The following DCT variants were observed in gnomAD, a reference collection of about 807,000 sequenced individuals.
DCT encodes L-dopachrome tautomerase.
A neutral mutation model predicts 53.0 loss-of-function variants in DCT; 47 were observed. The ratio of observed to expected loss-of-function variants is 0.89; its 90% CI spans 0.70 to 1.13. DCT has a LOEUF of 1.13. Ranked by LOEUF, DCT falls within the 50% of genes most tolerant of loss-of-function variation. The pLI is 0.00. For missense variants in DCT, 669 were observed against 637.4 expected, an observed-to-expected ratio of 1.05 and a Z score of -0.53; for synonymous variants, 244 against 237.0, an observed-to-expected ratio of 1.03 and a Z score of -0.27.
chr13:94,462,333 C>T, intron 4 of DCT, 144 bp from the exon 5 acceptor site: 1 of 640,246 alleles, frequency 1.6e-6, no homozygotes, highest in East Asian at 2.8e-5. Flanking sequence ...AGCCCCGGCT[C>T]TACTAAAAAT....
chr13:94,437,669 T>C lies in DCT; in HGVS notation c.*2229A>G, dbSNP rs549170244. ...ATTTGGTGACATTTTCTGAGTTTAT[T>C]TGCATGATATTCAATGTAAGTAAAT... On this transcript the variant is annotated 3_prime_UTR_variant, in exon 8 of 8. Transcript: ENST00000377028. The C allele has an allele frequency of 6.6e-6, 1 of 152,336 alleles. No individual in the cohort carries two copies. Among genetic ancestry groups the C allele is most frequent in the South Asian group, 2.1e-4 (1 of 4,828 alleles). The allele number at this position is 152,336 out of a possible 1,614,324, so 9.4% of individuals were successfully genotyped here.
At chr13:94,477,740 T>C (rs1885189076) in intron 1 of DCT, among the ~76,000 whole-genome samples, 1 of 152,154 alleles carries the variant, frequency 6.6e-6, no homozygotes, top group African/African-American at 2.4e-5. Context: ...ATTCAACCCC[T>C]TATGAAGCTC....
At chr13:94,547,859 G>A in the DCT span, among the ~76,000 whole-genome samples, 8 of 150,062 alleles carry the variant, frequency 5.3e-5, no homozygotes, top group Non-Finnish European at 7.4e-5. Context: ...GCATGGTGGC[G>A]GGTGCCTGTA....
At chr13:94,462,257 C>A in intron 4 of DCT, 68 bp from the exon 5 acceptor site, 1 of 1,280,418 alleles carries the variant, frequency 7.8e-7, no homozygotes, top group South Asian at 1.2e-5. Flanking sequence ...TCTGTAATCC[C>A]AGCACTTTGG....
chr13:94,463,916 C>A (rs1005223080), intron 4 of DCT, among the ~76,000 whole-genome samples: 3 of 152,158 alleles, frequency 2.0e-5, no homozygotes, highest in African/African-American at 7.2e-5. Flanking sequence ...AGTAAGAGTT[C>A]CAGGGTTAGG....
In DCT at chr13:94,438,380, T is replaced by C. The variant is rs771146224; in HGVS notation, c.*1518A>G. ...GCTCTCAGATGCACCTGTAGCTTTA[T>C]GAGATTCAAATTCAGTTCCAACTGG... On this transcript the variant is annotated 3_prime_UTR_variant, in exon 8 of 8. Transcript: ENST00000377028. 42 of 229,972 alleles carry C rather than the reference T, an allele frequency of 1.8e-4. No homozygotes were observed. The highest frequency in any genetic ancestry group is 3.5e-4 in the Non-Finnish European group (40 of 113,026). The allele number at this position is 229,972 out of a possible 1,614,324, so 14.2% of individuals were successfully genotyped here.
Position 94,439,650 on chromosome 13 carries a change from C to A in DCT, c.*248G>T. On this transcript the variant is annotated 3_prime_UTR_variant, in exon 8 of 8. Coordinates refer to ENST00000377028, the MANE Select transcript of DCT (RefSeq NM_001922.5). ...TGGGGGGGGGGTTATTATTAGATAT[C>A]ACAAATTGTCAGGTCTATCTTTATT... 1.0e-5 allele frequency: 3 copies of A among 285,820 alleles called. No homozygotes were observed. Among genetic ancestry groups the A allele is most frequent in the Non-Finnish European group, 6.5e-6 (1 of 154,254 alleles). The allele number at this position is 285,820 out of a possible 1,614,324, so 17.7% of individuals were successfully genotyped here. A position where few individuals can be genotyped will look rare whatever the true frequency, so the allele number is the denominator to read the frequency against.
At chr13:94,495,624 A>G in the DCT span, among the ~76,000 whole-genome samples, 600 of 152,360 alleles carry the variant, frequency 3.9e-3, no homozygotes, top group African/African-American at 0.014. Context: ...AAAGAAGAAT[A>G]TAACATGCTA....
the DCT span, among the ~76,000 whole-genome samples, chr13:94,525,241 C>T: frequency 3.3e-5 from 5 of 152,094 alleles, no homozygotes; most frequent in African/African-American, 7.2e-5. Context: ...GCTGGGATTA[C>T]AGGCATGCAC....
chr13:94,499,555 A>C, the DCT span, among the ~76,000 whole-genome samples: 4 of 152,214 alleles, frequency 2.6e-5, no homozygotes, highest in Non-Finnish European at 5.9e-5. Flanking sequence ...CAGGATGTTC[A>C]AAAGCAAACC....
At chr13:94,442,299 T>C (rs1416882032) in intron 7 of DCT, among the ~76,000 whole-genome samples, 1 of 152,140 alleles carries the variant, frequency 6.6e-6, no homozygotes, top group Non-Finnish European at 1.5e-5. Flanking sequence ...TTAAATTGTT[T>C]TGTTTTTGTT....
the DCT span, among the ~76,000 whole-genome samples, chr13:94,501,285 T>A: frequency 0.017 from 2,514 of 151,978 alleles, 71 homozygotes; most frequent in African/African-American, 0.054. Flanking sequence ...ATAAATAAAT[T>A]AATTAATTAA....
the DCT span, among the ~76,000 whole-genome samples, chr13:94,514,460 C>T: frequency 2.4e-4 from 37 of 152,318 alleles, no homozygotes; most frequent in African/African-American, 8.9e-4. Flanking sequence ...AGCTAGTAAG[C>T]AAAGTGAGCA....
chr13:94,466,739 G>GATAC, intron 2 of DCT, 81 bp from the exon 3 acceptor site: 2 of 815,830 alleles, frequency 2.5e-6, no homozygotes, highest in Middle Eastern at 2.4e-4. Context: ...TGTATCTATA[G>GATAC]AGCCAATAAG....
At chr13:94,457,423 C>T (rs1883481940) in intron 6 of DCT, among the ~76,000 whole-genome samples, 1 of 152,208 alleles carries the variant, frequency 6.6e-6, no homozygotes, top group South Asian at 2.1e-4. Flanking sequence ...AGAGAGTCTT[C>T]ACCAGGAACC....
At position 94,450,114 on chromosome 13, in the gene DCT, C is replaced by T. The variant is rs144033908; in HGVS notation, c.1180-6477G>A. On this transcript the variant is annotated intron_variant, in intron 6 of 7. Transcript: ENST00000377028. ...ACCAAAGAGACCCAGAGAGCTCCTC[C>T]CTTTCAGCTACGTGAGGACAAGCAA... is the stretch of plus-strand genomic sequence containing the variant. Among the ~76,000 whole-genome samples, 369 of 152,228 alleles carry T rather than the reference C, an allele frequency of 2.4e-3. 2 individuals carry two copies. The highest frequency in any genetic ancestry group is 8.0e-3 in the African/African-American group (333 of 41,542).
At chr13:94,452,548 T>C in intron 6 of DCT, 2 of 735,004 alleles carry the variant, frequency 2.7e-6, no homozygotes, top group Admixed American at 2.0e-5. Flanking sequence ...GTAACATTTA[T>C]CAAATTTCAA....
chr13:94,437,862 A>G lies in DCT; in HGVS notation c.*2036T>C, dbSNP rs1215884073. 1 of 152,206 alleles carries G rather than the reference A, an allele frequency of 6.6e-6. No individual in the cohort carries two copies. Among genetic ancestry groups the G allele is most frequent in the Non-Finnish European group, 1.5e-5 (1 of 68,026 alleles). The allele number at this position is 152,206 out of a possible 1,614,324, so 9.4% of individuals were successfully genotyped here. On this transcript the variant is annotated 3_prime_UTR_variant, in exon 8 of 8. Transcript: ENST00000377028. ...ACATTATAAAACATAATAGTTATAA[A>G]AAGTCACCCACACTACAGATAAAAG... is the stretch of plus-strand genomic sequence containing the variant.
At chr13:94,456,828 G>A (rs190676061) in intron 6 of DCT, among the ~76,000 whole-genome samples, 41 of 152,288 alleles carry the variant, frequency 2.7e-4, no homozygotes, top group Admixed American at 2.0e-4. Context: ...CCTCCAAAAA[G>A]TCCAGAAAAA....
Sources: allele counts gnomAD v4.1 joint callset (sites outside exome capture counted in the v4.1 genomes callset), GRCh38; gene constraint gnomAD v4.1.1; transcripts MANE v1.5; gene names NCBI Gene and HGNC (gene_info 2026-07-23, HGNC 2026-07-21).